The following ITGB5 variants were observed in gnomAD, a reference collection of about 807,000 sequenced individuals.
ITGB5 encodes integrin subunit beta 5.
ITGB5 carries 38 observed loss-of-function variants against 84.8 expected under a neutral mutation model. The observed-to-expected ratio is 0.45, with a 90% CI of 0.35 to 0.59. ITGB5 has a LOEUF of 0.59. Among genes scored for constraint, ITGB5 ranks in the 20% least tolerant of loss-of-function variants. ITGB5 has a pLI of 0.01. For synonymous variants in ITGB5, 393 were observed against 414.4 expected, an observed-to-expected ratio of 0.95 and a Z score of 0.63; for missense variants, 905 against 1,034.5, an observed-to-expected ratio of 0.87 and a Z score of 1.72.
intron 1 of ITGB5, among the ~76,000 whole-genome samples, chr3:124,882,000 T>A (rs1219830430): frequency 6.6e-6 from 1 of 152,032 alleles, no homozygotes; most frequent in Non-Finnish European, 1.5e-5. Flanking sequence ...CAACAGAATC[T>A]CTTTCTCCCA....
At chr3:124,792,160 A>G (rs1159488681) in intron 10 of ITGB5, 2 of 152,186 alleles carry the variant, frequency 1.3e-5, no homozygotes, top group Non-Finnish European at 2.9e-5. Context: ...TTGGGAGTGC[A>G]ATGGAAAGAC....
chr3:124,833,470 A>G (rs529352624), intron 5 of ITGB5, among the ~76,000 whole-genome samples: 7 of 152,288 alleles, frequency 4.6e-5, no homozygotes, highest in African/African-American at 1.7e-4. Flanking sequence ...GAGGATAGAG[A>G]CTTCTCATCT....
chr3:124,806,854 AT>A (rs2064413698), intron 9 of ITGB5, among the ~76,000 whole-genome samples: 1 of 152,046 alleles, frequency 6.6e-6, no homozygotes, highest in Non-Finnish European at 1.5e-5. Context: ...AACAACATAA[AT>A]ACATTGCAAC....
Position 124,841,496 on chromosome 3 carries a change from G to A in ITGB5, c.667C>T (p.Leu223Phe). The A allele has an allele frequency of 1.2e-6, 2 of 1,614,248 alleles. No individual in the cohort carries two copies. The highest frequency in any genetic ancestry group is 2.7e-5 in the African/African-American group (2 of 75,070). Residue 223 changes from leucine (L) to phenylalanine (F), a missense_variant, in exon 5 of 15, where the codon CTC becomes TTC. Around this residue, in one of 3 missense-constraint regions of ITGB5, gnomAD observed 656 missense variants for 734.7 expected, o/e 0.89. Transcript: ENST00000296181. ...PSFGFRHLLPLTDRVDSFNEE... is the reference protein window; with the variant it reads ...PSFGFRHLLPFTDRVDSFNEE... ...TTGAAGCTGTCCACTCTGTCTGTGA[G>A]AGGCAGCAGATGGCGGAACCCAAAG...
At position 124,848,405 on chromosome 3, in the gene ITGB5, G is replaced by A; in HGVS notation, c.515C>T (p.Thr172Ile). The change falls in exon 4 of 15, where the codon ACC becomes ATC. Residue 172 changes from threonine to isoleucine, a missense_variant. Physicochemically the swap from Thr to Ile is moderately conservative, Grantham distance 89 (BLOSUM62 -1). Coordinates refer to ENST00000296181, the MANE Select transcript of ITGB5 (RefSeq NM_002213.5). ...TKLAEEMRKL[T>I]SNFRLGFGSF... is the part of the protein sequence containing the mutation. ...CCCAAATCCCAACCGGAAGTTGCTG[G>A]TGAGCTTCCTCATCTCCTCCGCGAG... 6.2e-7 allele frequency: 1 copy of A among 1,614,180 alleles called. No homozygotes were observed. Among genetic ancestry groups the A allele is most frequent in the Non-Finnish European group, 8.5e-7 (1 of 1,180,028 alleles).
At chr3:124,850,183 A>C (rs1048410235) in intron 3 of ITGB5, among the ~76,000 whole-genome samples, 1 of 152,124 alleles carries the variant, frequency 6.6e-6, no homozygotes, top group Middle Eastern at 3.2e-3. Flanking sequence ...CCGTGACAAC[A>C]AGGCATATTT....
intron 8 of ITGB5, 84 bp from the exon 9 acceptor site, chr3:124,809,240 G>A (rs576409606): frequency 5.4e-6 from 8 of 1,495,232 alleles, no homozygotes; most frequent in East Asian, 4.5e-5. Flanking sequence ...TGAGGCCCAC[G>A]TGGCTTCCTC....
intron 2 of ITGB5, chr3:124,861,962 A>C (rs906900716): frequency 9.8e-5 from 15 of 152,320 alleles, no homozygotes; most frequent in Admixed American, 6.5e-5. Context: ...AGAAAAACAC[A>C]GGGTTCTGGA....
At chr3:124,833,682 CAGA>C (rs1452738217) in intron 5 of ITGB5, among the ~76,000 whole-genome samples, 1 of 152,166 alleles carries the variant, frequency 6.6e-6, no homozygotes, top group Non-Finnish European at 1.5e-5. Context: ...AGCTTGGGGC[CAGA>C]AGAACCTGGT....
At chr3:124,810,612 T>G (rs1459775722) in intron 8 of ITGB5, among the ~76,000 whole-genome samples, 16 of 51,830 alleles carry the variant, frequency 3.1e-4, no homozygotes, top group African/African-American at 1.3e-3. Flanking sequence ...AAATTAAGAA[T>G]AATAATAATA....
intron 1 of ITGB5, among the ~76,000 whole-genome samples, chr3:124,874,139 A>C (rs1337801417): frequency 1.3e-5 from 2 of 151,450 alleles, no homozygotes; most frequent in Non-Finnish European, 2.9e-5. Context: ...AGGCGAAAGC[A>C]GGAGAATTGC....
intron 10 of ITGB5, chr3:124,791,497 C>T (rs2064149948): frequency 6.6e-6 from 1 of 152,196 alleles, no homozygotes; most frequent in African/African-American, 2.4e-5. Flanking sequence ...TTGGCAGGGA[C>T]AAGGACTGTA....
intron 5 of ITGB5, among the ~76,000 whole-genome samples, chr3:124,836,777 C>T (rs2064941048): frequency 1.3e-5 from 2 of 152,054 alleles, no homozygotes; most frequent in Non-Finnish European, 2.9e-5. Context: ...GATATTCTGG[C>T]CAGGGAAGAA....
At position 124,859,290 on chromosome 3, in the gene ITGB5, C is replaced by A. The variant is rs779344998; in HGVS notation, c.313G>T (p.Asp105Tyr). 1.5e-5 allele frequency: 25 copies of A among 1,614,100 alleles called. No homozygotes were observed. The South Asian group carries it at 2.7e-4, about 18-fold the overall frequency. ...TCCTGTGGTGTCATCTGAATGACGT[C>A]CCAGCCTGCAGAGCCCGAACCCTTG... ...SSKGSGSAGWDVIQMTPQEIA... is the reference protein window; with the variant it reads ...SSKGSGSAGWYVIQMTPQEIA... Residue 105 changes from aspartate (D) to tyrosine (Y), a missense_variant, in exon 3 of 15, where the codon GAC (aspartate) becomes TAC (tyrosine). Physicochemically the swap from Asp to Tyr is radical, Grantham distance 160. Transcript: ENST00000296181.
intron 9 of ITGB5, among the ~76,000 whole-genome samples, chr3:124,805,133 T>TTCTCTCTCTC (rs113766698): frequency 0.027 from 3,816 of 142,042 alleles, 76 homozygotes; most frequent in South Asian, 0.084. Context: ...CTTTCTCCCT[T>TTCTCTCTCTC]TCTCTCTCTC....
chr3:124,877,820 C>T (rs1311506550), intron 1 of ITGB5, among the ~76,000 whole-genome samples: 1 of 151,328 alleles, frequency 6.6e-6, no homozygotes, highest in Non-Finnish European at 1.5e-5. Flanking sequence ...AGGTCAAAGG[C>T]CTCACGTAGG....
chr3:124,816,852 A>T (rs1277859133), intron 8 of ITGB5, among the ~76,000 whole-genome samples: 1 of 152,232 alleles, frequency 6.6e-6, no homozygotes, highest in Admixed American at 6.5e-5. Flanking sequence ...AATAGCACAG[A>T]ATTTAATAGC....
At position 124,848,532 on chromosome 3, in the gene ITGB5, C is replaced by T; in HGVS notation, c.388G>A (p.Val130Ile). 1 of 1,613,320 alleles carries T rather than the reference C, an allele frequency of 6.2e-7. No individual in the cohort carries two copies. The highest frequency in any genetic ancestry group is 2.2e-5 in the East Asian group (1 of 44,882). The change falls in exon 4 of 15, where the codon GTT (valine) becomes ATT (isoleucine). Residue 130 changes from valine (V) to isoleucine (I), a missense_variant. Physicochemically the swap from Val to Ile is conservative, Grantham distance 29. Transcript: ENST00000296181. Reference sequence around the variant, plus strand: ...ACAGGATAGTCCTCCACCTGGCGAACCTGTAGCTGGAAGGTGGTCTTGTCA... The same window carrying T: ...ACAGGATAGTCCTCCACCTGGCGAATCTGTAGCTGGAAGGTGGTCTTGTCA... ...PGDKTTFQLQVRQVEDYPVDL... is the reference protein window; with the variant it reads ...PGDKTTFQLQIRQVEDYPVDL...
At chr3:124,821,238 T>C in intron 6 of ITGB5, 75 bp downstream of exon 6, 1 of 1,497,028 alleles carries the variant, frequency 6.7e-7, no homozygotes, top group Non-Finnish European at 9.1e-7. Context: ...GTTTCAAGGC[T>C]GGGCAAGTAC....
Sources: allele counts gnomAD v4.1 joint callset (sites outside exome capture counted in the v4.1 genomes callset), GRCh38; gene constraint gnomAD v4.1.1; regional missense constraint gnomAD v4.1.1; transcripts MANE v1.5; gene names NCBI Gene and HGNC (gene_info 2026-07-23, HGNC 2026-07-21).